SOS1: variants seen among roughly 807,000 people sequenced by gnomAD.
The protein encoded by SOS1 is SOS Ras/Rac guanine nucleotide exchange factor 1.
In SOS1, 25 loss-of-function variants were observed where a neutral mutation model predicts 157.6. The ratio of observed to expected loss-of-function variants is 0.16; its 90% CI spans 0.12 to 0.22. SOS1 has a LOEUF of 0.22. SOS1 is among the 10% of genes least tolerant of loss of function. The pLI is 1.00. For missense variants in SOS1, 1,237 were observed against 1,599.1 expected (o/e 0.77, Z 3.86); for synonymous variants, 528 against 534.0 (o/e 0.99, Z 0.16).
Position 39,090,082 on chromosome 2 carries a change from G to C in SOS1, c.88-22329C>G, listed in dbSNP as rs116561828. 7.1e-3 allele frequency among the ~76,000 whole-genome samples: 1,063 copies of C among 150,306 alleles called. 13 individuals are homozygous for C. The highest frequency in any genetic ancestry group is 0.024 in the African/African-American group (998 of 40,764). On this transcript the variant is annotated intron_variant, in intron 1 of 22. Coordinates refer to ENST00000402219, the MANE Select transcript of SOS1 (RefSeq NM_005633.4). Reference sequence around the variant, plus strand: ...TTAAGCCTGGGAGGCAGAGGTTGTGGTAAGCTGAGATAACACCACTGCGCT... The same window carrying C: ...TTAAGCCTGGGAGGCAGAGGTTGTGCTAAGCTGAGATAACACCACTGCGCT...
rs1369127060 is a variant in SOS1 at position 39,006,402 on chromosome 2, A to G, written c.2791+10T>C. On this transcript the variant is annotated intron_variant, in intron 17 of 22. Coordinates refer to ENST00000402219, the MANE Select transcript of SOS1 (RefSeq NM_005633.4). ...AGAAATGCAATAAAAATTCAGAAAG[A>G]AATACTTACCAAAGAAAGGCACACA... 2 of 1,232,948 alleles carry G rather than the reference A, an allele frequency of 1.6e-6. No homozygotes were observed. Among genetic ancestry groups the G allele is most frequent in the African/African-American group, 1.5e-5 (1 of 67,728 alleles). The allele number at this position is 1,232,948 out of a possible 1,614,324, so 76.4% of individuals were successfully genotyped here.
At chr2:39,109,124 A>T (rs1673318360) in intron 1 of SOS1, among the ~76,000 whole-genome samples, 1 of 152,190 alleles carries the variant, frequency 6.6e-6, no homozygotes, top group African/African-American at 2.4e-5. Context: ...GCTGGACCCC[A>T]GGAAGTTGGG....
intron 1 of SOS1, among the ~76,000 whole-genome samples, chr2:39,107,362 A>G (rs1443425732): frequency 2.0e-5 from 3 of 152,134 alleles, no homozygotes; most frequent in African/African-American, 4.8e-5. Context: ...CGGGAGACAC[A>G]TCATTTTTCC....
At chr2:39,053,938 T>C (rs1422174557) in intron 5 of SOS1, among the ~76,000 whole-genome samples, 1 of 152,148 alleles carries the variant, frequency 6.6e-6, no homozygotes, top group Admixed American at 6.5e-5. Flanking sequence ...TTTTTTTTTT[T>C]TTCTTCTGAG....
At chr2:39,085,323 C>T (rs746363995) in intron 1 of SOS1, among the ~76,000 whole-genome samples, 21 of 152,194 alleles carry the variant, frequency 1.4e-4, no homozygotes, top group Non-Finnish European at 2.5e-4. Context: ...ATTGGTATTC[C>T]AGGCATGGGC....
chr2:39,067,748 C>T lies in SOS1; in HGVS notation c.93G>A (p.Gln31=). ...ACTCGAGAGTAGGATGAACTTGCCC[C>T]TGGACCTATAAACAAAAAGCAAAGT... The part of the protein sequence containing the change: ...GLLVPALKKV[Q]GQVHPTLESN... Residue 31 remains glutamine (Q), a synonymous_variant, in exon 2 of 23, where the codon CAG becomes CAA. Coordinates refer to ENST00000402219, the MANE Select transcript of SOS1 (RefSeq NM_005633.4). The T allele has an allele frequency of 6.2e-7, 1 of 1,612,616 alleles. No individual in the cohort carries two copies. Among genetic ancestry groups the T allele is most frequent in the East Asian group, 2.2e-5 (1 of 44,856 alleles).
At chr2:39,067,168 G>T (rs889347709) in intron 2 of SOS1, among the ~76,000 whole-genome samples, 1 of 151,984 alleles carries the variant, frequency 6.6e-6, no homozygotes, top group African/African-American at 2.4e-5. Context: ...ATGCCACCAT[G>T]CCTAGCTAGT....
chr2:39,030,902 C>T (rs1039444440), intron 8 of SOS1, among the ~76,000 whole-genome samples: 2 of 151,982 alleles, frequency 1.3e-5, no homozygotes, highest in Non-Finnish European at 2.9e-5. Flanking sequence ...TAGAGAAGAA[C>T]GTGAAGCTGT....
At chr2:39,103,679 C>T (rs1285810942) in intron 1 of SOS1, among the ~76,000 whole-genome samples, 1 of 152,048 alleles carries the variant, frequency 6.6e-6, no homozygotes, top group Non-Finnish European at 1.5e-5. Context: ...GAGCTAAAAC[C>T]ATAAATCTCT....
At position 38,995,246 on chromosome 2, in the gene SOS1, T is replaced by C. The variant is rs1668855571; in HGVS notation, c.3223A>G (p.Ser1075Gly). Residue 1075 changes from serine to glycine, a missense_variant, in exon 20 of 23, where the codon AGT becomes GGT. Ser to Gly is a moderately conservative substitution (Grantham distance 56). Coordinates refer to ENST00000402219, the MANE Select transcript of SOS1 (RefSeq NM_005633.4). The part of the protein sequence containing the change: ...YSRIPESETE[S>G]TASAPNSPRT... Reference sequence around the variant, plus strand: ...GGAGAATTTGGTGCAGATGCTGTACTTTCTGTTTCACTTTCAGGGATCCTA... The same window carrying C: ...GGAGAATTTGGTGCAGATGCTGTACCTTCTGTTTCACTTTCAGGGATCCTA... The C allele has an allele frequency of 6.2e-7, 1 of 1,613,970 alleles. No individual in the cohort carries two copies. Among genetic ancestry groups the C allele is most frequent in the Non-Finnish European group, 8.5e-7 (1 of 1,179,974 alleles).
intron 2 of SOS1, among the ~76,000 whole-genome samples, chr2:39,060,655 C>G (rs1305359786): frequency 6.6e-6 from 1 of 152,088 alleles, no homozygotes; most frequent in Non-Finnish European, 1.5e-5. Flanking sequence ...GAACTCCTGA[C>G]CTCAGGTGAT....
intron 1 of SOS1, among the ~76,000 whole-genome samples, chr2:39,096,763 G>A (rs976816684): frequency 6.6e-5 from 10 of 151,996 alleles, no homozygotes; most frequent in Non-Finnish European, 7.4e-5. Flanking sequence ...GCGGGCGCCT[G>A]TAGTCCCAGC....
intron 1 of SOS1, among the ~76,000 whole-genome samples, chr2:39,070,054 TTC>T (rs1671745013): frequency 6.6e-6 from 1 of 152,184 alleles, no homozygotes; most frequent in Admixed American, 6.6e-5. Context: ...GAATTCATAA[TTC>T]TGAGTTCTGT....
chr2:38,994,814 A>C (rs1284675986), intron 20 of SOS1, among the ~76,000 whole-genome samples: 1 of 152,174 alleles, frequency 6.6e-6, no homozygotes, highest in Admixed American at 6.6e-5. Context: ...TTTAAGACTG[A>C]TCTTTGTCTC....
chr2:38,990,805 T>G (rs1015380672), intron 20 of SOS1, among the ~76,000 whole-genome samples: 14 of 152,168 alleles, frequency 9.2e-5, no homozygotes, highest in African/African-American at 2.9e-4. Flanking sequence ...ATTTGGTAAA[T>G]TTGGGGCACT....
At chr2:39,037,460 GTATGAA>G (rs1490334709) in intron 6 of SOS1, among the ~76,000 whole-genome samples, 1 of 151,996 alleles carries the variant, frequency 6.6e-6, no homozygotes, top group Non-Finnish European at 1.5e-5. Flanking sequence ...ATATTCTACT[GTATGAA>G]TATATCAGTT....
chr2:39,113,065 A>G (rs369874034), intron 1 of SOS1, among the ~76,000 whole-genome samples: 1 of 151,888 alleles, frequency 6.6e-6, no homozygotes, highest in Non-Finnish European at 1.5e-5. Flanking sequence ...AAAAGAAAAT[A>G]GAAGTGATTA....
In SOS1 at chr2:39,025,469, C is replaced by T. The variant is rs1165099970; in HGVS notation, c.1075-1332G>A. 2.6e-5 allele frequency among the ~76,000 whole-genome samples: 4 copies of T among 151,932 alleles called. No individual in the cohort carries two copies. The East Asian group carries it at 5.8e-4, about 22-fold the overall frequency. On this transcript the variant is annotated intron_variant, in intron 8 of 22. Transcript: ENST00000402219. ...GCTTCAAGTAGTTCTCCTGCCTCAG[C>T]CTCCCGAGTAGCTGCGATTACGGGT...
intron 1 of SOS1, among the ~76,000 whole-genome samples, chr2:39,101,196 A>G (rs1672953879): frequency 6.6e-6 from 1 of 152,008 alleles, no homozygotes; most frequent in Non-Finnish European, 1.5e-5. Context: ...AGTGTGTCAC[A>G]CTCTTCTGAA....
Sources: gnomAD v4.1 joint callset for allele counts (sites outside exome capture counted in the v4.1 genomes callset) on GRCh38, gnomAD v4.1.1 for gene constraint, MANE v1.5 for transcripts, NCBI Gene and HGNC (gene_info 2026-07-23, HGNC 2026-07-21) for gene names.